XKR4: variants seen among roughly 807,000 people sequenced by gnomAD.
The protein encoded by XKR4 is XK related 4.
Under a neutral mutation model 53.9 loss-of-function variants are expected in XKR4, and 12 were observed. That is an observed-to-expected ratio of 0.22 (90% confidence interval 0.14 to 0.36). The LOEUF is 0.36. Ranked by LOEUF, XKR4 falls within the 10% of genes least tolerant of loss-of-function variation. The pLI, the probability that XKR4 is intolerant of heterozygous loss-of-function variation, is 1.00. For synonymous variants in XKR4, 354 were observed against 362.4 expected (o/e 0.98, Z 0.26); for missense variants, 799 against 859.5 (o/e 0.93, Z 0.88).
chr8:55,123,060 G>T (rs1816414132), intron 1 of XKR4, among the ~76,000 whole-genome samples: 1 of 152,114 alleles, frequency 6.6e-6, no homozygotes, highest in Non-Finnish European at 1.5e-5. Context: ...CAGGGTTATT[G>T]ATTCAGATTG....
chr8:55,398,044 A>G (rs976695635), intron 2 of XKR4, among the ~76,000 whole-genome samples: 2 of 152,244 alleles, frequency 1.3e-5, no homozygotes, highest in Non-Finnish European at 2.9e-5. Flanking sequence ...GTCTTTTTAA[A>G]GAAATGTGAT....
chr8:55,260,257 A>C (rs1380606319), intron 1 of XKR4, among the ~76,000 whole-genome samples: 1 of 151,812 alleles, frequency 6.6e-6, no homozygotes, highest in Non-Finnish European at 1.5e-5. Flanking sequence ...TAGTTGAACT[A>C]CCTCCCCTTT....
At chr8:55,473,504 A>G (rs1194666461) in intron 2 of XKR4, among the ~76,000 whole-genome samples, 1 of 152,154 alleles carries the variant, frequency 6.6e-6, no homozygotes, top group Non-Finnish European at 1.5e-5. Context: ...AAATCTCCAC[A>G]TAATTGGTAT....
chr8:55,406,625 G>T (rs1563342497), intron 2 of XKR4, among the ~76,000 whole-genome samples: 1 of 152,200 alleles, frequency 6.6e-6, no homozygotes, highest in Non-Finnish European at 1.5e-5. Flanking sequence ...CTTGATCCCA[G>T]CTCCCTCTTT....
At chr8:55,520,582 A>AATC (rs1302733220) in intron 2 of XKR4, among the ~76,000 whole-genome samples, 3 of 152,214 alleles carry the variant, frequency 2.0e-5, no homozygotes, top group African/African-American at 4.8e-5. Context: ...TGTCTCAAAA[A>AATC]ATCATCATCA....
intron 2 of XKR4, among the ~76,000 whole-genome samples, chr8:55,359,262 C>T (rs1029595451): frequency 6.6e-6 from 1 of 152,132 alleles, no homozygotes; most frequent in Non-Finnish European, 1.5e-5. Context: ...CATGCAGAGG[C>T]CTGGGCTCTG....
chr8:55,182,295 T>A (rs1238824190), intron 1 of XKR4, among the ~76,000 whole-genome samples: 1 of 152,176 alleles, frequency 6.6e-6, no homozygotes, highest in Non-Finnish European at 1.5e-5. Context: ...TTTTTTCTTT[T>A]ATGGATCACA....
chr8:55,437,665 A>G (rs189383093), intron 2 of XKR4, among the ~76,000 whole-genome samples: 74 of 152,298 alleles, frequency 4.9e-4, no homozygotes, highest in African/African-American at 1.7e-3. Flanking sequence ...CTACATACAT[A>G]GTTTTATTTA....
intron 2 of XKR4, among the ~76,000 whole-genome samples, chr8:55,402,059 A>G (rs1276876788): frequency 6.6e-6 from 1 of 152,206 alleles, no homozygotes; most frequent in African/African-American, 2.4e-5. Flanking sequence ...TGATTCTTGT[A>G]TCTCCTTCTG....
intron 2 of XKR4, among the ~76,000 whole-genome samples, chr8:55,374,741 C>G (rs1163512724): frequency 1.3e-5 from 2 of 152,120 alleles, no homozygotes; most frequent in Non-Finnish European, 2.9e-5. Context: ...TCAGAGACCA[C>G]AGGGGCACAC....
At chr8:55,364,692 G>A (rs1318258419) in intron 2 of XKR4, among the ~76,000 whole-genome samples, 1 of 152,104 alleles carries the variant, frequency 6.6e-6, no homozygotes, top group Non-Finnish European at 1.5e-5. Flanking sequence ...GAATGCAGTG[G>A]TGCGATCTTG....
At chr8:55,481,193 A>T (rs573348526) in intron 2 of XKR4, among the ~76,000 whole-genome samples, 1 of 152,326 alleles carries the variant, frequency 6.6e-6, no homozygotes, top group Non-Finnish European at 1.5e-5. Context: ...ACTGGTACAA[A>T]ACAGATATAA....
intron 2 of XKR4, among the ~76,000 whole-genome samples, chr8:55,424,097 G>A (rs949382877): frequency 6.6e-6 from 1 of 152,186 alleles, no homozygotes; most frequent in African/African-American, 2.4e-5. Flanking sequence ...GCAACTGACT[G>A]GCAATTAATT....
chr8:55,428,355 G>A (rs1447920036), intron 2 of XKR4, among the ~76,000 whole-genome samples: 1 of 152,066 alleles, frequency 6.6e-6, no homozygotes, highest in Non-Finnish European at 1.5e-5. Context: ...CAATCAAAAA[G>A]CCCCCAAAAA....
intron 1 of XKR4, among the ~76,000 whole-genome samples, chr8:55,349,149 T>C (rs1289332090): frequency 6.6e-6 from 1 of 152,246 alleles, no homozygotes; most frequent in Non-Finnish European, 1.5e-5. Context: ...CATCTTATTT[T>C]TAATTAGTCA....
At chr8:55,394,051 A>G (rs538725269) in intron 2 of XKR4, among the ~76,000 whole-genome samples, 1 of 152,318 alleles carries the variant, frequency 6.6e-6, no homozygotes, top group South Asian at 2.1e-4. Context: ...AATGCAATAA[A>G]TCGATGTAAG....
chr8:55,511,401 C>G (rs966138133), intron 2 of XKR4, among the ~76,000 whole-genome samples: 1 of 152,192 alleles, frequency 6.6e-6, no homozygotes, highest in African/African-American at 2.4e-5. Context: ...GTCCCAGGAC[C>G]TCAGAAGGGT....
At chr8:55,103,882 T>TAG (rs1816099565) in intron 1 of XKR4, among the ~76,000 whole-genome samples, 1 of 138,780 alleles carries the variant, frequency 7.2e-6, no homozygotes, top group African/African-American at 2.9e-5. Context: ...TATATATATA[T>TAG]ATATATATAT....
Position 55,148,408 on chromosome 8 carries a change from A to AT in XKR4, c.806+45114_806+45115insT, listed in dbSNP as rs1816797896. 1.1e-4 allele frequency among the ~76,000 whole-genome samples: 17 copies of AT among 152,014 alleles called. 1 individual carries two copies. The highest frequency in any genetic ancestry group is 8.5e-4 in the Admixed American group (13 of 15,284). ...TAACAGAGGAAGACCCTGTCTAAAAAAAAATATATATATATATACCATAGC... is the reference window on the plus strand; with the variant it reads ...TAACAGAGGAAGACCCTGTCTAAAAATAAAATATATATATATATACCATAGC... On this transcript the variant is annotated intron_variant, in intron 1 of 2. Coordinates refer to ENST00000327381, the MANE Select transcript of XKR4 (RefSeq NM_052898.2).
Sources: allele counts gnomAD v4.1 joint callset (sites outside exome capture counted in the v4.1 genomes callset), GRCh38; gene constraint gnomAD v4.1.1; transcripts MANE v1.5; gene names NCBI Gene and HGNC (gene_info 2026-07-23, HGNC 2026-07-21).